Variants in ZNF331 observed in about 807,000 individuals in gnomAD.
ZNF331 encodes the protein zinc finger protein 331.
Under a neutral mutation model 7.0 loss-of-function variants are expected in ZNF331, and 2 were observed. The observed-to-expected ratio is 0.29, with a 90% CI of 0.12 to 0.90. The LOEUF (loss-of-function observed/expected upper bound fraction) is 0.90. Ranked by LOEUF, ZNF331 falls within the 40% of genes least tolerant of loss-of-function variation. The pLI, the probability that ZNF331 is intolerant of heterozygous loss-of-function variation, is 0.58. For missense variants in ZNF331, 432 were observed against 587.7 expected, an observed-to-expected ratio of 0.74 and a Z score of 2.74; for synonymous variants, 196 against 205.4, an observed-to-expected ratio of 0.95 and a Z score of 0.39.
the ZNF331 span, among the ~76,000 whole-genome samples, chr19:53,508,561 TG>T: frequency 6.6e-6 from 1 of 152,276 alleles, no homozygotes; most frequent in Middle Eastern, 3.4e-3. Context: ...CTTCTTGACG[TG>T]ATCTCTTCTT....
rs1443222735 is a variant in ZNF331 at position 53,580,102 on chromosome 19, T to G, written c.*2150T>G. 1 of 211,562 alleles carries G rather than the reference T, an allele frequency of 4.7e-6. No homozygotes were observed. Among genetic ancestry groups the G allele is most frequent in the Non-Finnish European group, 9.6e-6 (1 of 104,512 alleles). 13.1% of individuals were successfully genotyped at this position (211,562 alleles called of 1,614,324 possible). A position where few individuals can be genotyped will look rare whatever the true frequency, so the allele number is the denominator to read the frequency against. On this transcript the variant is annotated 3_prime_UTR_variant, in exon 6 of 6. Transcript: ENST00000449416. ...ACAATAACAAGGCTGATTTCAGATG[T>G]CTCACCACAAAGAAGGAGGATAAGG...
In ZNF331 at chr19:53,577,995, G is replaced by A. The variant is rs763598938; in HGVS notation, c.*43G>A. ...GTAGCCCGCTCGTATCTATGGTTTC[G>A]CTTTCCACAGTTTGTTACCTGCAGT... is the stretch of plus-strand genomic sequence containing the variant. On this transcript the variant is annotated 3_prime_UTR_variant, in exon 6 of 6. Coordinates refer to ENST00000449416, the MANE Select transcript of ZNF331 (RefSeq NM_001079906.2). 6.5e-6 allele frequency: 10 copies of A among 1,549,360 alleles called. No individual in the cohort carries two copies. Among genetic ancestry groups the A allele is most frequent in the African/African-American group, 1.4e-5 (1 of 72,942 alleles).
At chr19:53,569,969 CAG>C (rs138408942) in intron 4 of ZNF331, among the ~76,000 whole-genome samples, 7,878 of 152,028 alleles carry the variant, frequency 0.052, 217 homozygotes, top group Non-Finnish European at 0.066. Flanking sequence ...AAATCAGAAA[CAG>C]GGGGCCGGGT....
At chr19:53,547,103 T>A (rs2088664985) in intron 2 of ZNF331, among the ~76,000 whole-genome samples, 1 of 152,192 alleles carries the variant, frequency 6.6e-6, no homozygotes. Flanking sequence ...AAATCTAGTC[T>A]CTTGGCATAT....
chr19:53,521,370 C>T (rs528415028), exon 1 of ZNF331: 240 of 111,124 alleles, frequency 2.2e-3, no homozygotes, highest in Non-Finnish European at 3.8e-3. Context: ...GTGAATAAGC[C>T]AGAGGCTGCC....
intron 2 of ZNF331, among the ~76,000 whole-genome samples, chr19:53,550,244 C>T (rs935149701): frequency 3.9e-5 from 6 of 152,124 alleles, no homozygotes; most frequent in African/African-American, 1.2e-4. Flanking sequence ...ACTGTTAGGT[C>T]CATTTGGTCT....
rs943296554 is a variant in ZNF331, at chr19:53,578,039, A to G, written c.*87A>G. The G allele has an allele frequency of 7.8e-6, 11 of 1,410,342 alleles. No homozygotes were observed. 87.4% of individuals were successfully genotyped at this position (1,410,342 alleles called of 1,614,324 possible). A position where few individuals can be genotyped will look rare whatever the true frequency, so the allele number is the denominator to read the frequency against. ...CTGCAGTCAACTGCAGTTCAAAAAT[A>G]TTAAATGGAAAATTCCAGAAATAAA... On this transcript the variant is annotated 3_prime_UTR_variant, in exon 6 of 6. Transcript: ENST00000449416.
intron 3 of ZNF331, among the ~76,000 whole-genome samples, chr19:53,559,551 A>G (rs2089699126): frequency 6.6e-6 from 1 of 151,426 alleles, no homozygotes; most frequent in East Asian, 1.9e-4. Flanking sequence ...ATATACACAC[A>G]TATACACACC....
the ZNF331 span, chr19:53,503,800 C>T: frequency 1.4e-6 from 1 of 699,120 alleles, no homozygotes; most frequent in Non-Finnish European, 2.6e-6. Context: ...CAGCTGGCTC[C>T]TCCCTGGTCA....
At chr19:53,517,891 T>C (rs368209013), upstream of ZNF331, among the ~76,000 whole-genome samples, 41 of 152,274 alleles carry the variant, frequency 2.7e-4, no homozygotes, top group African/African-American at 9.9e-4. Flanking sequence ...CAGGCTTTGA[T>C]TGATGCTATT....
chr19:53,558,469 G>A lies in ZNF331; in HGVS notation c.-74+2561G>A, dbSNP rs1413723752. Among the ~76,000 whole-genome samples, 3 of 152,070 alleles carry A rather than the reference G, an allele frequency of 2.0e-5. No homozygotes were observed. The highest frequency in any genetic ancestry group is 7.2e-5 in the African/African-American group (3 of 41,390). ...CCTTTTATGGAGACTTCATTGGATA[G>A]GTGTGACTGAAGCATGCACGAATGT... On this transcript the variant is annotated intron_variant, in intron 3 of 5. Coordinates refer to ENST00000449416, the MANE Select transcript of ZNF331 (RefSeq NM_001079906.2). The surrounding 1 kb of genome is among the most constrained non-coding windows in gnomAD (Gnocchi z 4.5).
intron 2 of ZNF331, among the ~76,000 whole-genome samples, chr19:53,527,516 A>T (rs2087351768): frequency 6.6e-6 from 1 of 152,188 alleles, no homozygotes; most frequent in Non-Finnish European, 1.5e-5. Flanking sequence ...GAGGGGTGCC[A>T]GAAGAAGAGA....
chr19:53,510,287 A>G, the ZNF331 span, among the ~76,000 whole-genome samples: 7 of 152,132 alleles, frequency 4.6e-5, no homozygotes, highest in African/African-American at 1.7e-4. Flanking sequence ...CATTTTACCC[A>G]CTTTCAGTTC....
the ZNF331 span, chr19:53,503,453 G>A: frequency 1.6e-6 from 1 of 633,486 alleles, no homozygotes; most frequent in South Asian, 1.8e-5. Flanking sequence ...TTGGAATCCT[G>A]GGGATTTCTC....
At chr19:53,536,623 G>C (rs1266971142), upstream of ZNF331, among the ~76,000 whole-genome samples, 1 of 152,140 alleles carries the variant, frequency 6.6e-6, no homozygotes, top group Non-Finnish European at 1.5e-5. Flanking sequence ...TTCTCGACTG[G>C]GTGTGGTGGC....
At chr19:53,563,592 TAAAA>T (rs147646452) in intron 3 of ZNF331, among the ~76,000 whole-genome samples, 2 of 147,676 alleles carry the variant, frequency 1.4e-5, no homozygotes, top group Non-Finnish European at 3.0e-5. Flanking sequence ...TTAATGTAAG[TAAAA>T]AAAAAAGCAG....
rs934999673 is a variant in ZNF331 at position 53,579,505 on chromosome 19, A to G, written c.*1553A>G. ...TGGAAATTAAATGTTTGGTACATGT[A>G]AAGTCTTTGAAAGTGTAACTGGAAT... On this transcript the variant is annotated 3_prime_UTR_variant, in exon 6 of 6. Transcript: ENST00000449416. The G allele has an allele frequency of 5.3e-5, 11 of 206,756 alleles. No individual in the cohort carries two copies. Among genetic ancestry groups the G allele is most frequent in the African/African-American group, 2.5e-4 (11 of 43,844 alleles). The allele number at this position is 206,756 out of a possible 1,614,324, so 12.8% of individuals were successfully genotyped here.
intron 2 of ZNF331, among the ~76,000 whole-genome samples, chr19:53,545,646 G>T (rs1162233705): frequency 6.6e-6 from 1 of 152,190 alleles, no homozygotes; most frequent in Non-Finnish European, 1.5e-5. Flanking sequence ...CTCACAGTCT[G>T]CCACTTGTAT....
intron 2 of ZNF331, among the ~76,000 whole-genome samples, chr19:53,542,722 T>C (rs933991325): frequency 6.6e-6 from 1 of 150,870 alleles, no homozygotes; most frequent in Non-Finnish European, 1.5e-5. Flanking sequence ...ATTCATTTTG[T>C]TAAACAAAAT....
Sources: gnomAD v4.1 joint callset for allele counts (sites outside exome capture counted in the v4.1 genomes callset) on GRCh38, gnomAD v4.1.1 for gene constraint, Gnocchi (gnomAD v3.1) non-coding constraint, MANE v1.5 for transcripts, NCBI Gene and HGNC (gene_info 2026-07-23, HGNC 2026-07-21) for gene names.